The following COL7A1 variants were observed in gnomAD, a reference collection of about 807,000 sequenced individuals.
COL7A1 encodes collagen type VII alpha 1 chain.
In COL7A1, 296 loss-of-function variants were observed where a neutral mutation model predicts 456.2. The observed-to-expected ratio is 0.65, with a 90% CI of 0.59 to 0.71. COL7A1 has a LOEUF of 0.71. COL7A1 is among the 30% of genes least tolerant of loss of function. The probability of loss-of-function intolerance (pLI) is 0.00; values close to 1 mark genes in which losing one functional copy is unlikely to be tolerated. For missense variants in COL7A1, 3,441 were observed against 4,017.2 expected, an observed-to-expected ratio of 0.86 and a Z score of 3.88; for synonymous variants, 1,464 against 1,525.9, an observed-to-expected ratio of 0.96 and a Z score of 0.95.
chr3:48,591,812 T>G lies in COL7A1; in HGVS notation c.1368A>C (p.Pro456=), dbSNP rs767902653. 1.2e-6 allele frequency: 2 copies of G among 1,614,180 alleles called. No individual in the cohort carries two copies. The highest frequency in any genetic ancestry group is 4.5e-5 in the East Asian group (2 of 44,886). Residue 456 remains proline, a synonymous_variant, in exon 12 of 119, where the codon CCA becomes CCC. Coordinates refer to ENST00000681320, the MANE Select transcript of COL7A1 (RefSeq NM_000094.4). This position sits in a 1 kb window ranked among gnomAD's most constrained non-coding sequence, Gnocchi z 7.0. ...LEWRRETGLE[P]PQKVVLPSDV... ...CAGAGGGCAGTACCACCTTCTGCGG[T>G]GGCTCCAAGCCTGCAAGATAACAGG...
chr3:48,593,802 G>C lies in COL7A1; in HGVS notation c.267-106C>G, dbSNP rs892481091. The C allele has an allele frequency of 1.4e-6, 2 of 1,380,252 alleles. No homozygotes were observed. Among genetic ancestry groups the C allele is most frequent in the Admixed American group, 1.7e-5 (1 of 58,720 alleles). The allele number at this position is 1,380,252 out of a possible 1,614,324, so 85.5% of individuals were successfully genotyped here. Reference sequence around the variant, plus strand: ...GGTTACGGGTATCAGGCTCTCTTGAGGGGTCCCTTCGTTCTGTCATTCTCC... The same window carrying C: ...GGTTACGGGTATCAGGCTCTCTTGACGGGTCCCTTCGTTCTGTCATTCTCC... On this transcript the variant is annotated intron_variant, in intron 3 of 118. Coordinates refer to ENST00000681320, the MANE Select transcript of COL7A1 (RefSeq NM_000094.4). The surrounding 1 kb of genome is among the most constrained non-coding windows in gnomAD (Gnocchi z 4.4).
chr3:48,577,033 G>C lies in COL7A1; in HGVS notation c.5533-6C>G, dbSNP rs2044360898. On this transcript the variant is annotated splice_region_variant and splice_polypyrimidine_tract_variant and intron_variant, in intron 65 of 118. Transcript: ENST00000681320. ...CCAGGGTCCCCAGGTTCTCCCTGTGGGCAGAGGACTCACATCAGCCCAAAC... is the reference window on the plus strand; with the variant it reads ...CCAGGGTCCCCAGGTTCTCCCTGTGCGCAGAGGACTCACATCAGCCCAAAC... 6.2e-7 allele frequency: 1 copy of C among 1,613,782 alleles called. No homozygotes were observed. The highest frequency in any genetic ancestry group is 2.2e-5 in the East Asian group (1 of 44,900).
Position 48,568,956 on chromosome 3 carries a change from C to T in COL7A1, c.7687-101G>A, listed in dbSNP as rs1011890494. On this transcript the variant is annotated intron_variant, in intron 103 of 118. Transcript: ENST00000681320. This position sits in a 1 kb window ranked among gnomAD's most constrained non-coding sequence, Gnocchi z 5.2. ...GCTGGGGCAGAGCTCAAGTCACTCC[C>T]GAACGGCCCTAGCAGCACGTCCTCC... is the stretch of plus-strand genomic sequence containing the variant. The T allele has an allele frequency of 2.9e-5, 34 of 1,187,982 alleles. No homozygotes were observed. The highest frequency in any genetic ancestry group is 3.0e-5 in the African/African-American group (2 of 66,094). The allele number at this position is 1,187,982 out of a possible 1,614,324, so 73.6% of individuals were successfully genotyped here. A position where few individuals can be genotyped will look rare whatever the true frequency, so the allele number is the denominator to read the frequency against.
chr3:48,593,094 G>A lies in COL7A1; in HGVS notation c.682+8C>T, dbSNP rs1360883255. On this transcript the variant is annotated splice_region_variant and intron_variant, in intron 6 of 118. Coordinates refer to ENST00000681320, the MANE Select transcript of COL7A1 (RefSeq NM_000094.4). This position sits in a 1 kb window ranked among gnomAD's most constrained non-coding sequence, Gnocchi z 4.4. The stretch of plus-strand genomic sequence containing the variant: ...AGGTCAGGGTACACCGTGTGGGCAG[G>A]AACTCACGAGGTCGGGTCACAGGCA... 1.9e-6 allele frequency: 3 copies of A among 1,614,110 alleles called. No individual in the cohort carries two copies. The highest frequency in any genetic ancestry group is 2.2e-5 in the East Asian group (1 of 44,878).
Position 48,573,833 on chromosome 3 carries a change from G to C in COL7A1, c.6537+22C>G. 3 of 1,614,062 alleles carry C rather than the reference G, an allele frequency of 1.9e-6. No homozygotes were observed. Among genetic ancestry groups the C allele is most frequent in the Non-Finnish European group, 2.5e-6 (3 of 1,180,010 alleles). On this transcript the variant is annotated intron_variant, in intron 81 of 118. Transcript: ENST00000681320. This position sits in a 1 kb window ranked among gnomAD's most constrained non-coding sequence, Gnocchi z 5.5. ...AGGGCACAGGATGGGGGCAAGACAGGTGAAGGTTCTTGGGTACTCACCACT... is the reference window on the plus strand; with the variant it reads ...AGGGCACAGGATGGGGGCAAGACAGCTGAAGGTTCTTGGGTACTCACCACT...
chr3:48,575,959 C>T lies in COL7A1; in HGVS notation c.5821-57G>A. On this transcript the variant is annotated intron_variant, in intron 71 of 118. Coordinates refer to ENST00000681320, the MANE Select transcript of COL7A1 (RefSeq NM_000094.4). The surrounding 1 kb of genome is among the most constrained non-coding windows in gnomAD (Gnocchi z 6.3). Reference sequence around the variant, plus strand: ...ATGACAGAGAAGCTCCTGCCTTCTGCCCCGCACGGCCTCAGGAAAGCACCT... The same window carrying T: ...ATGACAGAGAAGCTCCTGCCTTCTGTCCCGCACGGCCTCAGGAAAGCACCT... 1.9e-6 allele frequency: 3 copies of T among 1,613,254 alleles called. No individual in the cohort carries two copies. Among genetic ancestry groups the T allele is most frequent in the Non-Finnish European group, 2.5e-6 (3 of 1,179,296 alleles).
At position 48,574,413 on chromosome 3, in the gene COL7A1, C is replaced by G. The variant is rs1467231262; in HGVS notation, c.6456+75G>C. The G allele has an allele frequency of 1.2e-6, 2 of 1,612,088 alleles. No homozygotes were observed. The highest frequency in any genetic ancestry group is 2.7e-5 in the African/African-American group (2 of 74,900). ...CCAGACAGTCCCAGGCAGTACAGAC[C>G]CCAGCCCTGCACACAGGACAATACA... is the stretch of plus-strand genomic sequence containing the variant. On this transcript the variant is annotated intron_variant, in intron 79 of 118. Coordinates refer to ENST00000681320, the MANE Select transcript of COL7A1 (RefSeq NM_000094.4). This position sits in a 1 kb window ranked among gnomAD's most constrained non-coding sequence, Gnocchi z 5.0.
chr3:48,576,361 T>C, intron 70 of COL7A1, 39 bp downstream of exon 70: 1 of 1,613,916 alleles, frequency 6.2e-7, no homozygotes, highest in Non-Finnish European at 8.5e-7. Context: ...ATGTGGGTGC[T>C]GTGGCTACCT....
Position 48,580,135 on chromosome 3 carries a change from C to G in COL7A1, c.5098-78G>C. Reference sequence around the variant, plus strand: ...GCTCTGGTTTGCCCCAGGCTCAACTCTGCCCCCAAGTTCCCCGAAGCACCC... The same window carrying G: ...GCTCTGGTTTGCCCCAGGCTCAACTGTGCCCCCAAGTTCCCCGAAGCACCC... On this transcript the variant is annotated intron_variant, in intron 56 of 118. Coordinates refer to ENST00000681320, the MANE Select transcript of COL7A1 (RefSeq NM_000094.4). This position sits in a 1 kb window ranked among gnomAD's most constrained non-coding sequence, Gnocchi z 4.5. 1 of 1,587,508 alleles carries G rather than the reference C, an allele frequency of 6.3e-7. No individual in the cohort carries two copies. Among genetic ancestry groups the G allele is most frequent in the Non-Finnish European group, 8.6e-7 (1 of 1,160,126 alleles).
At position 48,590,270 on chromosome 3, in the gene COL7A1, C is replaced by T. The variant is rs2045598255; in HGVS notation, c.1993G>A (p.Val665Met). 6 of 1,614,010 alleles carry T rather than the reference C, an allele frequency of 3.7e-6. No individual in the cohort carries two copies. In the East Asian group the frequency reaches 1.3e-4, roughly 36 times the overall value. ...LQPGTTYQVA[V>M]SVLRGREEGP... The stretch of plus-strand genomic sequence containing the variant: ...TCCTCTCTGCCTCGCAGTACCGACA[C>T]AGCCACCTGGTAGGTGGTTCCAGGC... The change falls in exon 16 of 119, where the codon GTG (valine) becomes ATG (methionine). Residue 665 changes from valine to methionine, a missense_variant. Transcript: ENST00000681320. This position sits in a 1 kb window ranked among gnomAD's most constrained non-coding sequence, Gnocchi z 4.6.
In COL7A1 at chr3:48,587,238, C is replaced by A; in HGVS notation, c.3091G>T (p.Val1031Phe). Residue 1031 changes from valine (V) to phenylalanine (F), a missense_variant, in exon 24 of 119, where the codon GTC becomes TTC. Coordinates refer to ENST00000681320, the MANE Select transcript of COL7A1 (RefSeq NM_000094.4). The surrounding 1 kb of genome is among the most constrained non-coding windows in gnomAD (Gnocchi z 6.1). ...GVSYIFSLTPVLDGVRGPEAS... is the reference protein window; with the variant it reads ...GVSYIFSLTPFLDGVRGPEAS... ...TCAGGACCCCGCACACCATCCAGGA[C>A]AGGCGTCAGGGAGAAGATGTAAGAG... 1.2e-6 allele frequency: 2 copies of A among 1,613,510 alleles called. No homozygotes were observed. The highest frequency in any genetic ancestry group is 1.7e-6 in the Non-Finnish European group (2 of 1,179,844).
rs1332197316 is a variant in COL7A1 at position 48,589,658 on chromosome 3, A to T, written c.2111T>A (p.Ile704Asn). 3 of 1,614,066 alleles carry T rather than the reference A, an allele frequency of 1.9e-6. No homozygotes were observed. Among genetic ancestry groups the T allele is most frequent in the Non-Finnish European group, 2.5e-6 (3 of 1,180,020 alleles). The change falls in exon 17 of 119, where the codon ATT becomes AAT. Residue 704 changes from isoleucine (I) to asparagine (N), a missense_variant. Physicochemically the swap from Ile to Asn is moderately radical, Grantham distance 149. This residue lies in a region of COL7A1 where 913 missense variants were observed against 1,088.2 expected (regional missense o/e 0.84). Coordinates refer to ENST00000681320, the MANE Select transcript of COL7A1 (RefSeq NM_000094.4). ...GGCGCCAGGAACCCTGGTCCAGGTA[A>T]TGGTGACAGATGAGCTGCTGGCCTG... Reference protein sequence around the residue: ...VTQASSSSVTITWTRVPGATG... With the variant: ...VTQASSSSVTNTWTRVPGATG...
rs1247059189 is a variant in COL7A1, at chr3:48,592,921, C to G, written c.700G>C (p.Ala234Pro). The change falls in exon 7 of 119, where the codon GCT becomes CCT. Residue 234 changes from alanine to proline, a missense_variant. Physicochemically the swap from Ala to Pro is conservative, Grantham distance 27 (BLOSUM62 -1). This residue lies in a region of COL7A1 where 913 missense variants were observed against 1,088.2 expected (regional missense o/e 0.84). Transcript: ENST00000681320. The surrounding 1 kb of genome is among the most constrained non-coding windows in gnomAD (Gnocchi z 7.6). ...VTRPPDDSTS[A>P]PRDLVLSEPS... The stretch of plus-strand genomic sequence containing the variant: ...TCAGACAGCACCAGGTCTCGTGGAG[C>G]AGAGGTCGAGTCATCCGCTGGGAAT... 6.2e-7 allele frequency: 1 copy of G among 1,613,854 alleles called. No homozygotes were observed. Among genetic ancestry groups the G allele is most frequent in the East Asian group, 2.2e-5 (1 of 44,864 alleles).
In COL7A1 at chr3:48,572,357, G is replaced by A. The variant is rs2043985504; in HGVS notation, c.6978+23C>T. ...GAGAGACAGGACCCCCAGAACATCT[G>A]CTGTCAGAAGTTCCCTACTTACCGG... is the stretch of plus-strand genomic sequence containing the variant. On this transcript the variant is annotated intron_variant, in intron 90 of 118. Coordinates refer to ENST00000681320, the MANE Select transcript of COL7A1 (RefSeq NM_000094.4). The surrounding 1 kb of genome is among the most constrained non-coding windows in gnomAD (Gnocchi z 4.6). 1.2e-6 allele frequency: 2 copies of A among 1,614,116 alleles called. No individual in the cohort carries two copies. The highest frequency in any genetic ancestry group is 2.2e-5 in the East Asian group (1 of 44,870).
chr3:48,591,687 G>T lies in COL7A1; in HGVS notation c.1493C>A (p.Thr498Asn). 1.1e-5 allele frequency: 17 copies of T among 1,614,112 alleles called. No homozygotes were observed. The highest frequency in any genetic ancestry group is 1.4e-5 in the Non-Finnish European group (16 of 1,180,016). ...AGAGCCCTCACCAGTGGGAACCACG[G>T]TTGCAGGGGTGGCCACCTCGTGGCC... ...LEGHEVATPA[T>N]VVPTGPELPV... Residue 498 changes from threonine (T) to asparagine (N), a missense_variant, in exon 12 of 119, where the codon ACC becomes AAC. By Grantham distance (65) the Thr-to-Asn change is moderately conservative. Coordinates refer to ENST00000681320, the MANE Select transcript of COL7A1 (RefSeq NM_000094.4). The surrounding 1 kb of genome is among the most constrained non-coding windows in gnomAD (Gnocchi z 7.0).
Position 48,566,239 on chromosome 3 carries a change from G to A in COL7A1, c.8407+28C>T. On this transcript the variant is annotated intron_variant, in intron 114 of 118. Transcript: ENST00000681320. This position sits in a 1 kb window ranked among gnomAD's most constrained non-coding sequence, Gnocchi z 5.9. ...CTTGCCTAGGGTGCTGGGGTGGAGT[G>A]GGAGACTGCGGGCTGGGCACCACTC... 6.3e-7 allele frequency: 1 copy of A among 1,588,606 alleles called. No individual in the cohort carries two copies. Among genetic ancestry groups the A allele is most frequent in the Non-Finnish European group, 8.6e-7 (1 of 1,168,638 alleles).
Position 48,571,825 on chromosome 3 carries a change from G to T in COL7A1, c.7068+176C>A. Reference sequence around the variant, plus strand: ...GCCAAGACAGGGCCCCCAGAGCTCAGAGTGTGGAAGCCGACAGTGTGTGGC... The same window carrying T: ...GCCAAGACAGGGCCCCCAGAGCTCATAGTGTGGAAGCCGACAGTGTGTGGC... On this transcript the variant is annotated intron_variant, in intron 92 of 118. Coordinates refer to ENST00000681320, the MANE Select transcript of COL7A1 (RefSeq NM_000094.4). This position sits in a 1 kb window ranked among gnomAD's most constrained non-coding sequence, Gnocchi z 4.6. The T allele has an allele frequency of 1.3e-6, 1 of 766,100 alleles. No individual in the cohort carries two copies. The highest frequency in any genetic ancestry group is 1.7e-5 in the South Asian group (1 of 58,206). The allele number at this position is 766,100 out of a possible 1,614,324, so 47.5% of individuals were successfully genotyped here. A position where few individuals can be genotyped will look rare whatever the true frequency, so the allele number is the denominator to read the frequency against.
In COL7A1 at chr3:48,584,038, C is replaced by T. The variant is rs2045010580; in HGVS notation, c.4221G>A (p.Glu1407=). ...AMKGDKGDRG[E]RGPPGPGEGG... ...GCACAACCTGTCCCTCACTTACCCG[C>T]TCCCCACGATCGCCTTTGTCACCCT... Residue 1407 remains glutamate (E), a synonymous_variant, in exon 38 of 119, where the codon GAG becomes GAA. Coordinates refer to ENST00000681320, the MANE Select transcript of COL7A1 (RefSeq NM_000094.4). The T allele has an allele frequency of 1.2e-6, 2 of 1,614,150 alleles. No individual in the cohort carries two copies. The highest frequency in any genetic ancestry group is 1.7e-6 in the Non-Finnish European group (2 of 1,180,018).
rs372331035 is a variant in COL7A1 at position 48,584,478 on chromosome 3, C to T, written c.4119+7G>A. 2 of 1,614,016 alleles carry T rather than the reference C, an allele frequency of 1.2e-6. No homozygotes were observed. The highest frequency in any genetic ancestry group is 1.7e-6 in the Non-Finnish European group (2 of 1,179,970). ...ACATCACTTGCCTCCACATACCCTG[C>T]ACTTACCGATGGTCCAGGGTCCCCT... On this transcript the variant is annotated splice_region_variant and intron_variant, in intron 36 of 118. Coordinates refer to ENST00000681320, the MANE Select transcript of COL7A1 (RefSeq NM_000094.4).
Sources: allele counts gnomAD v4.1 joint callset, GRCh38; gene constraint gnomAD v4.1.1; regional missense constraint gnomAD v4.1.1; non-coding constraint Gnocchi (gnomAD v3.1); transcripts MANE v1.5; gene names NCBI Gene and HGNC (gene_info 2026-07-23, HGNC 2026-07-21).